Variants in NIM1K observed in about 807,000 individuals in gnomAD.
NIM1K encodes the protein NIM1 serine/threonine protein kinase, also known as serine/threonine-protein kinase NIM1.
NIM1K carries 35 observed loss-of-function variants against 37.1 expected under a neutral mutation model. The observed-to-expected ratio is 0.94, with a 90% CI of 0.72 to 1.25. NIM1K has a LOEUF of 1.25. Among genes scored for constraint, NIM1K ranks in the 50% most tolerant of loss-of-function variants. The pLI, the probability that NIM1K is intolerant of heterozygous loss-of-function variation, is 0.00. For synonymous variants in NIM1K, 234 were observed against 206.6 expected (o/e 1.13, Z -1.14); for missense variants, 564 against 548.0 (o/e 1.03, Z -0.29).
intron 1 of NIM1K, among the ~76,000 whole-genome samples, chr5:43,205,294 A>ATATCTATCT (rs1561072272): frequency 6.6e-6 from 1 of 152,258 alleles, no homozygotes; most frequent in Non-Finnish European, 1.5e-5. Context: ...GAGAATTTTA[A>ATATCTATCT]TATCTATCTT....
intron 1 of NIM1K, among the ~76,000 whole-genome samples, chr5:43,231,414 G>T (rs1561080726): frequency 6.6e-6 from 1 of 152,168 alleles, no homozygotes; most frequent in Non-Finnish European, 1.5e-5. Context: ...TTGTGGTGGT[G>T]TGAAAGCTGA....
At chr5:43,240,892 A>G (rs1752690587) in intron 1 of NIM1K, among the ~76,000 whole-genome samples, 2 of 151,924 alleles carry the variant, frequency 1.3e-5, no homozygotes, top group Non-Finnish European at 1.5e-5. Context: ...TCTTAACAGT[A>G]TATCTTGGAT....
At chr5:43,234,917 G>A (rs1270893335) in intron 1 of NIM1K, among the ~76,000 whole-genome samples, 3 of 152,122 alleles carry the variant, frequency 2.0e-5, no homozygotes, top group African/African-American at 7.2e-5. Context: ...TTATGGGCAT[G>A]AGCCACCATG....
chr5:43,204,308 T>G (rs566859400), intron 1 of NIM1K, among the ~76,000 whole-genome samples: 151 of 150,748 alleles, frequency 1.0e-3, no homozygotes, highest in Non-Finnish European at 1.7e-3. Context: ...GGTCTCGAAC[T>G]CCTGACCTCA....
At chr5:43,269,579 G>A (rs1753223801) in intron 2 of NIM1K, among the ~76,000 whole-genome samples, 2 of 147,628 alleles carry the variant, frequency 1.4e-5, no homozygotes, top group Non-Finnish European at 3.0e-5. Flanking sequence ...ATTATTACCT[G>A]GATCCTTTTG....
intron 1 of NIM1K, among the ~76,000 whole-genome samples, chr5:43,222,707 C>A (rs1752398296): frequency 6.6e-6 from 1 of 151,752 alleles, no homozygotes; most frequent in South Asian, 2.1e-4. Flanking sequence ...GTACTCCAAC[C>A]TGGGCGACAG....
intron 2 of NIM1K, among the ~76,000 whole-genome samples, chr5:43,273,903 G>A (rs969249504): frequency 6.6e-6 from 1 of 152,162 alleles, no homozygotes; most frequent in Non-Finnish European, 1.5e-5. Context: ...ATTGGACTGT[G>A]AGAATAGTGT....
At chr5:43,241,625 A>G (rs1752705152) in intron 1 of NIM1K, among the ~76,000 whole-genome samples, 1 of 151,982 alleles carries the variant, frequency 6.6e-6, no homozygotes, top group African/African-American at 2.4e-5. Flanking sequence ...GGAGTGAGCC[A>G]CCGTGCCTGG....
chr5:43,228,523 C>T (rs1561079877), intron 1 of NIM1K, among the ~76,000 whole-genome samples: 1 of 151,928 alleles, frequency 6.6e-6, no homozygotes, highest in Non-Finnish European at 1.5e-5. Flanking sequence ...TATAAAACTC[C>T]AGTTTAAATT....
At chr5:43,279,380 A>G (rs1468337034) in intron 3 of NIM1K, among the ~76,000 whole-genome samples, 7 of 152,118 alleles carry the variant, frequency 4.6e-5, no homozygotes, top group African/African-American at 1.7e-4. Flanking sequence ...GACAAACACA[A>G]AGCCATTTTC....
intron 2 of NIM1K, among the ~76,000 whole-genome samples, chr5:43,269,453 T>G (rs941496001): frequency 2.0e-5 from 3 of 152,032 alleles, no homozygotes; most frequent in Admixed American, 1.3e-4. Flanking sequence ...CAGCAGATAT[T>G]TGGTTTGTGA....
In NIM1K at chr5:43,269,865, C is replaced by T. The variant is rs373509001; in HGVS notation, c.293-7192C>T. 3.9e-5 allele frequency among the ~76,000 whole-genome samples: 6 copies of T among 152,084 alleles called. No homozygotes were observed. The East Asian group carries it at 1.2e-3, about 30-fold the overall frequency. Reference sequence around the variant, plus strand: ...GATCTCCTGACCTCGTGATCCACCCCCCTTGGCCTCCCAAAGTGCTGGGAT... The same window carrying T: ...GATCTCCTGACCTCGTGATCCACCCTCCTTGGCCTCCCAAAGTGCTGGGAT... On this transcript the variant is annotated intron_variant, in intron 2 of 3. Coordinates refer to ENST00000326035, the MANE Select transcript of NIM1K (RefSeq NM_153361.4).
At chr5:43,229,961 AG>A (rs1440086627) in intron 1 of NIM1K, among the ~76,000 whole-genome samples, 5 of 151,960 alleles carry the variant, frequency 3.3e-5, no homozygotes, top group South Asian at 2.1e-4. Flanking sequence ...TTTTTCTTTA[AG>A]AGCGAAGACT....
intron 1 of NIM1K, among the ~76,000 whole-genome samples, chr5:43,217,197 A>G (rs1379755303): frequency 2.0e-5 from 3 of 152,190 alleles, no homozygotes; most frequent in Non-Finnish European, 4.4e-5. Context: ...CCTCTTCAGA[A>G]CGTTTCATGT....
intron 1 of NIM1K, among the ~76,000 whole-genome samples, chr5:43,201,303 G>C (rs1347064087): frequency 1.3e-5 from 2 of 151,856 alleles, no homozygotes; most frequent in Non-Finnish European, 2.9e-5. Context: ...CAGCTACTGG[G>C]GAGGCTGAGG....
At chr5:43,201,218 G>C (rs1752015919) in intron 1 of NIM1K, among the ~76,000 whole-genome samples, 1 of 152,006 alleles carries the variant, frequency 6.6e-6, no homozygotes, top group Non-Finnish European at 1.5e-5. Flanking sequence ...GACCATTCTG[G>C]CTAACACGGT....
chr5:43,263,997 A>G (rs1159788519), intron 2 of NIM1K, among the ~76,000 whole-genome samples: 1 of 152,070 alleles, frequency 6.6e-6, no homozygotes, highest in African/African-American at 2.4e-5. Flanking sequence ...AGTTTGTTAT[A>G]ATTTCTGTTC....
intron 1 of NIM1K, among the ~76,000 whole-genome samples, chr5:43,226,129 T>C (rs1561079150): frequency 6.6e-6 from 1 of 152,194 alleles, no homozygotes; most frequent in Admixed American, 6.5e-5. Flanking sequence ...TGATTGAGAA[T>C]GACTTTAGGA....
intron 2 of NIM1K, among the ~76,000 whole-genome samples, chr5:43,249,595 G>A (rs1298192866): frequency 6.6e-6 from 1 of 152,168 alleles, no homozygotes; most frequent in Non-Finnish European, 1.5e-5. Context: ...AACAGGTGAT[G>A]CCTTTAATAG....
Sources: gnomAD v4.1 joint callset for allele counts (sites outside exome capture counted in the v4.1 genomes callset) on GRCh38, gnomAD v4.1.1 for gene constraint, MANE v1.5 for transcripts, NCBI Gene and HGNC (gene_info 2026-07-23, HGNC 2026-07-21) for gene names.